Variants in ZNF891 observed in about 807,000 individuals in gnomAD.
ZNF891 encodes zinc finger protein 891.
For missense variants in ZNF891, 589 were observed against 632.7 expected (o/e 0.93, Z 0.74); for synonymous variants, 199 against 209.0 (o/e 0.95, Z 0.41).
At chr12:133,125,191 G>C (rs1412848649) in intron 1 of ZNF891, among the ~76,000 whole-genome samples, 1 of 152,132 alleles carries the variant, frequency 6.6e-6, no homozygotes, top group Non-Finnish European at 1.5e-5. Context: ...TTTAGAGACA[G>C]GGTGTCACTA....
At position 133,105,707 on chromosome 12, in the gene ZNF891, C is replaced by T. The variant is rs1439085486; in HGVS notation, c.*14577G>A. The T allele has an allele frequency of 9.9e-6, 16 of 1,614,058 alleles. No homozygotes were observed. In the South Asian group the frequency reaches 1.8e-4, roughly 18 times the overall value. On this transcript the variant is annotated 3_prime_UTR_variant, in exon 2 of 2. Coordinates refer to ENST00000537226, the MANE Select transcript of ZNF891 (RefSeq NM_001277291.2). ...ATGTATTAGGAAAGTAACAGTCTCTCATCAAGAAGCCCTGGCTCAACATAT... is the reference window on the plus strand; with the variant it reads ...ATGTATTAGGAAAGTAACAGTCTCTTATCAAGAAGCCCTGGCTCAACATAT...
rs904102367 is a variant in ZNF891 at position 133,118,646 on chromosome 12, A to T, written c.*1638T>A. 6.6e-6 allele frequency: 1 copy of T among 152,208 alleles called. No homozygotes were observed. Among genetic ancestry groups the T allele is most frequent in the Non-Finnish European group, 1.5e-5 (1 of 68,034 alleles). 9.4% of individuals were successfully genotyped at this position (152,208 alleles called of 1,614,324 possible). On this transcript the variant is annotated 3_prime_UTR_variant, in exon 2 of 2. Transcript: ENST00000537226. ...AATCTCATGCTTTACTTAGCATTTA[A>T]AATTGGTAACTTCCCCTCTGTCTGA... is the stretch of plus-strand genomic sequence containing the variant.
chr12:133,114,037 A>G lies in ZNF891; in HGVS notation c.*6247T>C, dbSNP rs1034117284. 2.0e-5 allele frequency: 3 copies of G among 152,046 alleles called. No individual in the cohort carries two copies. The highest frequency in any genetic ancestry group is 4.4e-5 in the Non-Finnish European group (3 of 68,010). The allele number at this position is 152,046 out of a possible 1,614,324, so 9.4% of individuals were successfully genotyped here. On this transcript the variant is annotated 3_prime_UTR_variant, in exon 2 of 2. Coordinates refer to ENST00000537226, the MANE Select transcript of ZNF891 (RefSeq NM_001277291.2). ...CCACCCAGTAAGTTTGTACTAATTTACGCTTCCATTGGTAGTCTAAAGCAA... is the reference window on the plus strand; with the variant it reads ...CCACCCAGTAAGTTTGTACTAATTTGCGCTTCCATTGGTAGTCTAAAGCAA...
rs1020525270 is a variant in ZNF891 at position 133,120,417 on chromosome 12, G to C, written c.1502C>G (p.Ser501Cys). 1.2e-6 allele frequency: 2 copies of C among 1,602,556 alleles called. No individual in the cohort carries two copies. The highest frequency in any genetic ancestry group is 2.7e-5 in the African/African-American group (2 of 74,576). The part of the protein sequence containing the change: ...KECRKAFSVS[S>C]SLRRHVRIHT... ...AATTCTCACATGCCTCCTAAGGGAA[G>C]AGGAAACACTGAAGGCTTTCCTACA... The change falls in exon 2 of 2, where the codon TCT (serine) becomes TGT (cysteine). Residue 501 changes from serine (S) to cysteine (C), a missense_variant. Transcript: ENST00000537226.
chr12:133,128,026 AGAACTACATTATAATATTTGTAAAATAAT>A (rs1458054760), intron 1 of ZNF891, among the ~76,000 whole-genome samples: 4 of 152,252 alleles, frequency 2.6e-5, no homozygotes, highest in Non-Finnish European at 5.9e-5. Flanking sequence ...AATTTGTGGG[AGAACTACATTATAATATTTGTAAAATAAT>A]TACATTGTGA....
intron 1 of ZNF891, among the ~76,000 whole-genome samples, chr12:133,124,366 G>C (rs1016020059): frequency 2.6e-5 from 4 of 151,892 alleles, no homozygotes; most frequent in African/African-American, 9.7e-5. Context: ...TCCAGAAGAG[G>C]AGAAAAAAGG....
chr12:133,109,174 A>G lies in ZNF891; in HGVS notation c.*11110T>C, dbSNP rs1955662111. The G allele has an allele frequency of 6.6e-6, 1 of 152,248 alleles. No homozygotes were observed. The highest frequency in any genetic ancestry group is 1.5e-5 in the Non-Finnish European group (1 of 68,034). 9.4% of individuals were successfully genotyped at this position (152,248 alleles called of 1,614,324 possible). A position where few individuals can be genotyped will look rare whatever the true frequency, so the allele number is the denominator to read the frequency against. ...CCCTTAGCCAGAGAAAGGCCAAAAG[A>G]CATTCCCGTCAGGGTATTAAGAAAT... On this transcript the variant is annotated 3_prime_UTR_variant, in exon 2 of 2. Coordinates refer to ENST00000537226, the MANE Select transcript of ZNF891 (RefSeq NM_001277291.2).
chr12:133,120,381 T>C lies in ZNF891; in HGVS notation c.1538A>G (p.Glu513Gly). The change falls in exon 2 of 2, where the codon GAG (glutamate) becomes GGG (glycine). Residue 513 changes from glutamate (E) to glycine (G), a missense_variant. Physicochemically the swap from Glu to Gly is moderately conservative, Grantham distance 98 (BLOSUM62 -2). Coordinates refer to ENST00000537226, the MANE Select transcript of ZNF891 (RefSeq NM_001277291.2). ...ACATTGAATACATTCATAGGGTTTC[T>C]CTCCAGTGTGAATTCTCACATGCCT... The part of the protein sequence containing the change: ...LRRHVRIHTG[E>G]KPYECIQCGK... 6.3e-7 allele frequency: 1 copy of C among 1,594,594 alleles called. No individual in the cohort carries two copies.
rs1261254675 is a variant in ZNF891, at chr12:133,121,703, C to T, written c.216G>A (p.Met72Ile). Residue 72 changes from methionine (M) to isoleucine (I), a missense_variant, in exon 2 of 2, where the codon ATG (methionine) becomes ATA (isoleucine). Physicochemically the swap from Met to Ile is conservative, Grantham distance 10 (BLOSUM62 1). Coordinates refer to ENST00000537226, the MANE Select transcript of ZNF891 (RefSeq NM_001277291.2). ...SAQRSLYRDV[M>I]LENYRNLTSV... ...AGGTGAGATTTCTATAGTTTTCCAA[C>T]ATCACATCTCTGTACAGACTTCTTT... The T allele has an allele frequency of 6.5e-7, 1 of 1,536,622 alleles. No individual in the cohort carries two copies. The highest frequency in any genetic ancestry group is 1.2e-5 in the South Asian group (1 of 84,060).
At chr12:133,127,340 T>C (rs1955827803) in intron 1 of ZNF891, among the ~76,000 whole-genome samples, 1 of 152,154 alleles carries the variant, frequency 6.6e-6, no homozygotes, top group Non-Finnish European at 1.5e-5. Context: ...TTTAAATAAT[T>C]AGAACACACA....
intron 1 of ZNF891, among the ~76,000 whole-genome samples, chr12:133,128,384 C>T (rs1460799367): frequency 2.6e-5 from 4 of 152,310 alleles, no homozygotes; most frequent in Non-Finnish European, 5.9e-5. Flanking sequence ...GTAATCCTAG[C>T]ACTTTGGGAG....
rs1318321459 is a variant in ZNF891 at position 133,117,597 on chromosome 12, T to C, written c.*2687A>G. Reference sequence around the variant, plus strand: ...TACACCCCATTCTCAGAAGCTTATATTAAACTTTATTATGCTGCATATTAA... The same window carrying C: ...TACACCCCATTCTCAGAAGCTTATACTAAACTTTATTATGCTGCATATTAA... On this transcript the variant is annotated 3_prime_UTR_variant, in exon 2 of 2. Coordinates refer to ENST00000537226, the MANE Select transcript of ZNF891 (RefSeq NM_001277291.2). 1 of 152,256 alleles carries C rather than the reference T, an allele frequency of 6.6e-6. No homozygotes were observed. The allele number at this position is 152,256 out of a possible 1,614,324, so 9.4% of individuals were successfully genotyped here.
intron 1 of ZNF891, among the ~76,000 whole-genome samples, chr12:133,128,196 A>T (rs1019929919): frequency 6.6e-6 from 1 of 152,228 alleles, no homozygotes; most frequent in African/African-American, 2.4e-5. Context: ...AATATTTCCA[A>T]GTGGTTGCCA....
In ZNF891 at chr12:133,109,525, C is replaced by G. The variant is rs2137607038; in HGVS notation, c.*10759G>C. ...CTCAAGTTCACTTAAATATTCTCAA[C>G]TAAGGGAGAGGCAGGTCCCTTTAAG... On this transcript the variant is annotated 3_prime_UTR_variant, in exon 2 of 2. Coordinates refer to ENST00000537226, the MANE Select transcript of ZNF891 (RefSeq NM_001277291.2). 6.6e-6 allele frequency: 1 copy of G among 152,294 alleles called. No individual in the cohort carries two copies. The highest frequency in any genetic ancestry group is 2.4e-5 in the African/African-American group (1 of 41,534). The allele number at this position is 152,294 out of a possible 1,614,324, so 9.4% of individuals were successfully genotyped here. A position where few individuals can be genotyped will look rare whatever the true frequency, so the allele number is the denominator to read the frequency against.
chr12:133,120,155 C>CTGA lies in ZNF891; in HGVS notation c.*128_*129insTCA. The CTGA allele has an allele frequency of 2.1e-6, 1 of 480,538 alleles. No homozygotes were observed. The highest frequency in any genetic ancestry group is 3.4e-5 in the African/African-American group (1 of 29,116). The allele number at this position is 480,538 out of a possible 1,614,324, so 29.8% of individuals were successfully genotyped here. On this transcript the variant is annotated 3_prime_UTR_variant, in exon 2 of 2. Coordinates refer to ENST00000537226, the MANE Select transcript of ZNF891 (RefSeq NM_001277291.2). ...CAAAAAAAGTCATAATTAGTATTTA[C>CTGA]AGAAAATGTTATATTAAAAAAAGAG...
intron 1 of ZNF891, among the ~76,000 whole-genome samples, chr12:133,126,886 A>G (rs1955823283): frequency 6.6e-6 from 1 of 151,932 alleles, no homozygotes. Context: ...AAAGACCACT[A>G]TATGAGCAAT....
chr12:133,130,035 C>T (rs1181514695), intron 1 of ZNF891, among the ~76,000 whole-genome samples, 192 bp downstream of exon 1: 1 of 152,176 alleles, frequency 6.6e-6, no homozygotes, highest in African/African-American at 2.4e-5. Flanking sequence ...CCACTCGCTC[C>T]CCGCGCTCCA....
Position 133,120,182 on chromosome 12 carries a change from C to T in ZNF891, c.*102G>A. On this transcript the variant is annotated 3_prime_UTR_variant, in exon 2 of 2. Coordinates refer to ENST00000537226, the MANE Select transcript of ZNF891 (RefSeq NM_001277291.2). ...GAAAATGTTATATTAAAAAAAGAGC[C>T]ATTTGTAACCTTAAATCGTTCTTTT... 1 of 898,748 alleles carries T rather than the reference C, an allele frequency of 1.1e-6. No homozygotes were observed. The highest frequency in any genetic ancestry group is 1.7e-5 in the African/African-American group (1 of 59,866). The allele number at this position is 898,748 out of a possible 1,614,324, so 55.7% of individuals were successfully genotyped here. A position where few individuals can be genotyped will look rare whatever the true frequency, so the allele number is the denominator to read the frequency against.
intron 1 of ZNF891, among the ~76,000 whole-genome samples, chr12:133,127,216 C>T (rs879698635): frequency 9.2e-5 from 14 of 152,206 alleles, no homozygotes; most frequent in Admixed American, 2.6e-4. Context: ...CCACCCACCT[C>T]GGCCTCCCAA....
Sources: gnomAD v4.1 joint callset for allele counts (sites outside exome capture counted in the v4.1 genomes callset) on GRCh38, gnomAD v4.1.1 for gene constraint, MANE v1.5 for transcripts, NCBI Gene and HGNC (gene_info 2026-07-23, HGNC 2026-07-21) for gene names.